The following KIAA1328 variants were observed in gnomAD, a reference collection of about 807,000 sequenced individuals.
The protein encoded by KIAA1328 is KIAA1328.
In KIAA1328, 52 loss-of-function variants were observed where a neutral mutation model predicts 68.1. That is an observed-to-expected ratio of 0.76 (90% CI 0.61 to 0.96). KIAA1328 has a LOEUF of 0.96. Among genes scored for constraint, KIAA1328 ranks in the 40% least tolerant of loss-of-function variants. The pLI, the probability that KIAA1328 is intolerant of heterozygous loss-of-function variation, is 0.00. For synonymous variants in KIAA1328, 232 were observed against 239.4 expected (o/e 0.97, Z 0.28); for missense variants, 641 against 677.6 (o/e 0.95, Z 0.60).
intron 4 of KIAA1328, among the ~76,000 whole-genome samples, chr18:36,876,577 T>C (rs2048135017): frequency 6.6e-6 from 1 of 152,206 alleles, no homozygotes; most frequent in South Asian, 2.1e-4. Flanking sequence ...TCTTCTTTAT[T>C]AGTCTGGCTA....
intron 6 of KIAA1328, among the ~76,000 whole-genome samples, chr18:36,990,449 C>T (rs1392828042): frequency 3.3e-5 from 5 of 151,746 alleles, no homozygotes; most frequent in South Asian, 4.1e-4. Context: ...CTGAGGCAGG[C>T]GGATCACTTG....
At chr18:37,232,009 A>G (rs561239483), downstream of KIAA1328, 1 of 152,314 alleles carries the variant, frequency 6.6e-6, no homozygotes, top group East Asian at 1.9e-4. Flanking sequence ...TTGGATTTAT[A>G]TAACATTGGG....
At chr18:36,948,758 A>C (rs987257880) in intron 5 of KIAA1328, among the ~76,000 whole-genome samples, 1 of 152,036 alleles carries the variant, frequency 6.6e-6, no homozygotes, top group Non-Finnish European at 1.5e-5. Flanking sequence ...CATGTTGGTC[A>C]GGCTGGTCTT....
chr18:36,860,731 G>C (rs2047539263), intron 4 of KIAA1328, among the ~76,000 whole-genome samples: 1 of 152,084 alleles, frequency 6.6e-6, no homozygotes, highest in Non-Finnish European at 1.5e-5. Flanking sequence ...CAGAAAAATT[G>C]TAAAAATATC....
chr18:37,160,998 C>T (rs562331966), intron 8 of KIAA1328, among the ~76,000 whole-genome samples: 2 of 152,256 alleles, frequency 1.3e-5, no homozygotes, highest in South Asian at 4.1e-4. Flanking sequence ...TCTTTCCTGG[C>T]ATCCTTAAAG....
At chr18:36,937,627 T>C (rs1025733801) in intron 5 of KIAA1328, among the ~76,000 whole-genome samples, 8 of 152,126 alleles carry the variant, frequency 5.3e-5, no homozygotes, top group Non-Finnish European at 1.2e-4. Context: ...AATTGACAAA[T>C]AATAATTAAG....
intron 7 of KIAA1328, among the ~76,000 whole-genome samples, chr18:37,153,879 C>G (rs930828483): frequency 6.1e-5 from 9 of 146,412 alleles, no homozygotes; most frequent in Admixed American, 4.8e-4. Flanking sequence ...AAAAAAAAGA[C>G]TCATGCCAAA....
At chr18:37,216,858 G>A (rs1044816020) in intron 9 of KIAA1328, among the ~76,000 whole-genome samples, 2 of 143,856 alleles carry the variant, frequency 1.4e-5, no homozygotes, top group African/African-American at 5.1e-5. Context: ...TCTTCCTGTT[G>A]AATTGATCCC....
At chr18:36,961,233 TAATG>T (rs1414731680) in intron 6 of KIAA1328, among the ~76,000 whole-genome samples, 30 of 152,046 alleles carry the variant, frequency 2.0e-4, no homozygotes, top group Non-Finnish European at 2.6e-4. Flanking sequence ...AAGATCAACT[TAATG>T]AAATAAAGTG....
intron 7 of KIAA1328, among the ~76,000 whole-genome samples, chr18:37,096,016 A>T (rs1189787474): frequency 2.0e-5 from 3 of 152,200 alleles, no homozygotes; most frequent in Non-Finnish European, 4.4e-5. Flanking sequence ...AACAAAATTA[A>T]GGCCCGAACT....
chr18:37,045,660 G>A (rs898455803), intron 6 of KIAA1328, among the ~76,000 whole-genome samples: 1 of 152,116 alleles, frequency 6.6e-6, no homozygotes, highest in Non-Finnish European at 1.5e-5. Context: ...TGCTCAGCAG[G>A]TATCAGATTC....
At chr18:37,078,395 A>G (rs1268062894) in intron 7 of KIAA1328, among the ~76,000 whole-genome samples, 9 of 151,872 alleles carry the variant, frequency 5.9e-5, no homozygotes, top group Non-Finnish European at 1.3e-4. Context: ...AACCTAGGCA[A>G]TACCATTCAG....
At chr18:37,028,910 G>A (rs2054706794) in intron 6 of KIAA1328, among the ~76,000 whole-genome samples, 1 of 152,138 alleles carries the variant, frequency 6.6e-6, no homozygotes, top group Non-Finnish European at 1.5e-5. Flanking sequence ...GGTGCTGCTG[G>A]ATTTGGTTTG....
intron 6 of KIAA1328, among the ~76,000 whole-genome samples, chr18:37,041,439 TG>T (rs2151624382): frequency 6.6e-6 from 1 of 152,240 alleles, no homozygotes; most frequent in South Asian, 2.1e-4. Context: ...GAATCTGAAA[TG>T]TATTATGGAC....
At chr18:37,119,543 A>G (rs991331232) in intron 7 of KIAA1328, among the ~76,000 whole-genome samples, 1 of 152,104 alleles carries the variant, frequency 6.6e-6, no homozygotes, top group Admixed American at 6.6e-5. Context: ...TAAGCAAGCA[A>G]GCTCTCCAGT....
chr18:36,925,186 T>C (rs79987176), intron 5 of KIAA1328: 1 of 152,198 alleles, frequency 6.6e-6, no homozygotes, highest in African/African-American at 2.4e-5. Flanking sequence ...TTAGTTTTTT[T>C]GTGAAATCTC....
intron 7 of KIAA1328, among the ~76,000 whole-genome samples, chr18:37,127,082 A>G (rs1236264581): frequency 6.6e-6 from 1 of 152,200 alleles, no homozygotes; most frequent in African/African-American, 2.4e-5. Flanking sequence ...GAAAGGCAAG[A>G]AAAAGAAATA....
intron 7 of KIAA1328, among the ~76,000 whole-genome samples, chr18:37,138,948 C>CTT (rs869053490): frequency 0.028 from 2,040 of 74,118 alleles, 597 homozygotes; most frequent in African/African-American, 0.11. Context: ...AAATTTTGTT[C>CTT]TTTTTTTTTT....
Position 37,152,162 on chromosome 18 carries a change from C to T in KIAA1328, c.1233-8038C>T, listed in dbSNP as rs181027617. Among the ~76,000 whole-genome samples the T allele has an allele frequency of 5.1e-4, 76 of 149,420 alleles. 1 individual carries two copies. The highest frequency in any genetic ancestry group is 1.7e-3 in the African/African-American group (69 of 40,572). On this transcript the variant is annotated intron_variant, in intron 7 of 9. Coordinates refer to ENST00000280020, the MANE Select transcript of KIAA1328 (RefSeq NM_020776.3). ...CAAACATACATTAACACGTGTGTTT[C>T]ATATGTACATGGAAGAAACTCAGAA...
Sources: gnomAD v4.1 joint callset for allele counts (sites outside exome capture counted in the v4.1 genomes callset) on GRCh38, gnomAD v4.1.1 for gene constraint, MANE v1.5 for transcripts, NCBI Gene and HGNC (gene_info 2026-07-23, HGNC 2026-07-21) for gene names.